IL4I1: variants seen among roughly 807,000 people sequenced by gnomAD.
IL4I1 encodes L-amino-acid oxidase.
Under a neutral mutation model 29.7 loss-of-function variants are expected in IL4I1, and 24 were observed. That is an observed-to-expected ratio of 0.81 (90% CI 0.59 to 1.14). The LOEUF (loss-of-function observed/expected upper bound fraction) is 1.14, where lower values mean the gene tolerates loss of function less well. IL4I1 is among the 50% of genes most tolerant of loss of function. IL4I1 has a pLI of 0.00. For missense variants in IL4I1, 686 were observed against 785.6 expected (o/e 0.87, Z 1.52); for synonymous variants, 371 against 352.5 (o/e 1.05, Z -0.59).
In IL4I1 at chr19:49,890,560, C is replaced by T. The variant is rs1317322290; in HGVS notation, c.814G>A (p.Ala272Thr). 3 of 1,593,242 alleles carry T rather than the reference C, an allele frequency of 1.9e-6. No individual in the cohort carries two copies. Among genetic ancestry groups the T allele is most frequent in the South Asian group, 2.2e-5 (2 of 90,310 alleles). Reference protein sequence around the residue: ...IVGGWDLLPRALLSSLSGLVL... With the variant: ...IVGGWDLLPRTLLSSLSGLVL... ...AGCCCGGACAGCGAGCTCAGCAGCG[C>T]GCGCGGCAGCAGGTCCCAGCCACCC... Residue 272 changes from alanine to threonine, a missense_variant, in exon 8 of 8, where the codon GCG (alanine) becomes ACG (threonine). Transcript: ENST00000391826.
chr19:49,890,958 C>T lies in IL4I1; in HGVS notation c.773+13G>A, dbSNP rs62126285. ...CCCGCCCCCCCCCCCTGCCCGCCAG[C>T]CCCGCCCCTTACTGGAGTCTGTCGC... On this transcript the variant is annotated intron_variant, in intron 7 of 7. Transcript: ENST00000391826. 1.7e-5 allele frequency: 24 copies of T among 1,426,876 alleles called. No homozygotes were observed. The highest frequency in any genetic ancestry group is 1.5e-4 in the Admixed American group (6 of 40,430). The allele number at this position is 1,426,876 out of a possible 1,614,324, so 88.4% of individuals were successfully genotyped here.
chr19:49,909,974 G>A (rs2075421984), intron 2 of IL4I1: 5 of 732,834 alleles, frequency 6.8e-6, no homozygotes, highest in Admixed American at 4.0e-5. Flanking sequence ...GGAGGGTGGT[G>A]GGATGGGATA....
chr19:49,909,077 G>A, intron 2 of IL4I1: 1 of 1,612,756 alleles, frequency 6.2e-7, no homozygotes, highest in Non-Finnish European at 8.5e-7. Flanking sequence ...GCCCGCTGTG[G>A]TCACAGGGGT....
At chr19:49,900,476 C>T (rs925086483), upstream of IL4I1, among the ~76,000 whole-genome samples, 25 of 152,180 alleles carry the variant, frequency 1.6e-4, no homozygotes, top group South Asian at 4.1e-4. Context: ...TTAGTAGAGA[C>T]GGGGTTTCTC....
At chr19:49,908,238 C>G in intron 2 of IL4I1, 15 of 1,612,942 alleles carry the variant, frequency 9.3e-6, no homozygotes, top group Non-Finnish European at 1.3e-5. Context: ...GCTGCTGTCG[C>G]TCAGTCAAAG....
chr19:49,917,328 C>T (rs906557968), intron 2 of IL4I1, among the ~76,000 whole-genome samples: 2 of 152,216 alleles, frequency 1.3e-5, no homozygotes, highest in South Asian at 2.1e-4. Context: ...TGGGATTCTC[C>T]GTCTGCAAAC....
At chr19:49,896,227 A>G in intron 1 of IL4I1, 45 bp from the exon 2 acceptor site, 4 of 1,473,230 alleles carry the variant, frequency 2.7e-6, no homozygotes, top group East Asian at 2.5e-5. Context: ...GAGGCCTGTG[A>G]CCACTGTAGC....
At chr19:49,901,807 A>C, upstream of IL4I1, 1 of 932,312 alleles carries the variant, frequency 1.1e-6, no homozygotes, top group Non-Finnish European at 1.5e-6. Context: ...TATTGGGGTC[A>C]GAGCAGCTGG....
Position 49,894,443 on chromosome 19 carries a change from A to G in IL4I1, c.392T>C (p.Leu131Pro), listed in dbSNP as rs2075179078. Residue 131 changes from leucine (L) to proline (P), a missense_variant, in exon 5 of 8, where the codon CTG becomes CCG. Coordinates refer to ENST00000391826, the MANE Select transcript of IL4I1 (RefSeq NM_152899.2). ...HRILHKLCQG[L>P]GLNLTKFTQY... ...GGTGAACTTGGTCAGGTTGAGCCCCAGGCCCTGGCAGAGCTTGTGGAGGAT... is the reference window on the plus strand; with the variant it reads ...GGTGAACTTGGTCAGGTTGAGCCCCGGGCCCTGGCAGAGCTTGTGGAGGAT... 4 of 1,613,640 alleles carry G rather than the reference A, an allele frequency of 2.5e-6. No individual in the cohort carries two copies. Among genetic ancestry groups the G allele is most frequent in the Non-Finnish European group, 3.4e-6 (4 of 1,179,766 alleles).
At position 49,889,723 on chromosome 19, in the gene IL4I1, C is replaced by T. The variant is rs1485335203; in HGVS notation, c.1651G>A (p.Val551Ile). 1 of 1,515,230 alleles carries T rather than the reference C, an allele frequency of 6.6e-7. No homozygotes were observed. The highest frequency in any genetic ancestry group is 8.8e-7 in the Non-Finnish European group (1 of 1,131,824). 93.9% of individuals were successfully genotyped at this position (1,515,230 alleles called of 1,614,324 possible). Residue 551 changes from valine to isoleucine, a missense_variant, in exon 8 of 8, where the codon GTC becomes ATC. Coordinates refer to ENST00000391826, the MANE Select transcript of IL4I1 (RefSeq NM_152899.2). ...LAKEEGSHPP[V>I]QGQLSLQNTT... ...TTTTGGAGAGATAACTGGCCTTGGA[C>T]TGGAGGGTGGCTGCCTTCTTCCTTT...
At position 49,908,709 on chromosome 19, in the gene IL4I1, C is replaced by T. The variant is rs775985879; in HGVS notation, c.-227-4388G>A. On this transcript the variant is annotated intron_variant, in intron 2 of 9. Coordinates refer to the IL4I1 transcript ENST00000341114. ...AGGCTGGTGATCTTTTCTCCATTCT[C>T]GATCAGCGTGCGGTCCCAGGCGTTG... is the stretch of plus-strand genomic sequence containing the variant. 1.1e-5 allele frequency: 17 copies of T among 1,612,508 alleles called. No homozygotes were observed. The highest frequency in any genetic ancestry group is 5.3e-5 in the African/African-American group (4 of 74,940).
chr19:49,928,576 T>G (rs2075970981), intron 1 of IL4I1: 1 of 151,964 alleles, frequency 6.6e-6, no homozygotes, highest in African/African-American at 2.4e-5. Flanking sequence ...GCATAAGGCT[T>G]GCCAGACATC....
intron 2 of IL4I1, among the ~76,000 whole-genome samples, chr19:49,922,454 G>C (rs2075788245): frequency 6.6e-6 from 1 of 151,992 alleles, no homozygotes; most frequent in Non-Finnish European, 1.5e-5. Context: ...ATGGGACCGG[G>C]CTGTGTCGGA....
chr19:49,907,346 C>G (rs927737722), intron 2 of IL4I1: 1 of 311,996 alleles, frequency 3.2e-6, no homozygotes, highest in African/African-American at 2.3e-5. Context: ...AAAGGCAGGC[C>G]TCTCGGCGCC....
intron 2 of IL4I1, among the ~76,000 whole-genome samples, chr19:49,920,993 C>G (rs556720390): frequency 6.6e-6 from 1 of 152,150 alleles, no homozygotes; most frequent in African/African-American, 2.4e-5. Context: ...TCTCTGGGAA[C>G]CAGGTGAAGG....
chr19:49,896,221 C>G (rs1307753534), intron 1 of IL4I1, 39 bp from the exon 2 acceptor site: 1 of 1,476,558 alleles, frequency 6.8e-7, no homozygotes, highest in South Asian at 1.4e-5. Context: ...GTGACTGAGG[C>G]CTGTGACCAC....
chr19:49,890,470 C>G lies in IL4I1; in HGVS notation c.904G>C (p.Glu302Gln). 6.2e-7 allele frequency: 1 copy of G among 1,611,938 alleles called. No homozygotes were observed. ...AGATTCCGCGCCGGGGGAGAGGTCTCGATCTGCACGTGCACATCGTGCGGT... is the reference window on the plus strand; with the variant it reads ...AGATTCCGCGCCGGGGGAGAGGTCTGGATCTGCACGTGCACATCGTGCGGT... ...QGPHDVHVQIETSPPARNLKV... is the reference protein window; with the variant it reads ...QGPHDVHVQIQTSPPARNLKV... Residue 302 changes from glutamate (E) to glutamine (Q), a missense_variant, in exon 8 of 8, where the codon GAG (glutamate) becomes CAG (glutamine). Transcript: ENST00000391826.
chr19:49,915,391 A>C (rs2075597812), intron 2 of IL4I1, among the ~76,000 whole-genome samples: 1 of 152,348 alleles, frequency 6.6e-6, no homozygotes. Flanking sequence ...CTGGCTTTGA[A>C]GATGAGGGGG....
intron 6 of IL4I1, 92 bp from the exon 7 acceptor site, chr19:49,891,199 T>C (rs2075133991): frequency 6.5e-7 from 1 of 1,537,512 alleles, no homozygotes; most frequent in Non-Finnish European, 8.8e-7. Flanking sequence ...TCCCATGACA[T>C]GTCCTTGGAC....
Sources: gnomAD v4.1 joint callset for allele counts (sites outside exome capture counted in the v4.1 genomes callset) on GRCh38, gnomAD v4.1.1 for gene constraint, MANE v1.5 for transcripts, NCBI Gene and HGNC (gene_info 2026-07-23, HGNC 2026-07-21) for gene names.